The following AGMO variants were observed in gnomAD, a reference collection of about 807,000 sequenced individuals.
The protein encoded by AGMO is alkylglycerol monooxygenase.
In AGMO, 75 loss-of-function variants were observed where a neutral mutation model predicts 60.2. The observed-to-expected ratio is 1.25, with a 90% CI of 1.03 to 1.51. The LOEUF is 1.51. Ranked by LOEUF, AGMO falls within the 40% of genes most tolerant of loss-of-function variation. The pLI is 0.00. For synonymous variants in AGMO, 261 were observed against 177.1 expected, an observed-to-expected ratio of 1.47 and a Z score of -3.76; for missense variants, 763 against 525.5, an observed-to-expected ratio of 1.45 and a Z score of -4.42.
At chr7:15,513,010 T>C (rs568071936) in intron 3 of AGMO, among the ~76,000 whole-genome samples, 89 of 152,340 alleles carry the variant, frequency 5.8e-4, no homozygotes, top group Non-Finnish European at 2.2e-4. Flanking sequence ...TTAAAATTGT[T>C]TTTGTAATCT....
chr7:15,432,021 T>C (rs975288679), intron 3 of AGMO, among the ~76,000 whole-genome samples: 10 of 151,784 alleles, frequency 6.6e-5, no homozygotes, highest in African/African-American at 2.4e-4. Flanking sequence ...AAATGTCACA[T>C]TATACTCTAT....
At chr7:15,156,885 T>C in the AGMO span, among the ~76,000 whole-genome samples, 7 of 152,310 alleles carry the variant, frequency 4.6e-5, no homozygotes, top group South Asian at 1.2e-3. Flanking sequence ...AAATATTTTC[T>C]TTCAGCACAT....
At chr7:15,404,487 A>G (rs939915177) in intron 5 of AGMO, among the ~76,000 whole-genome samples, 1 of 151,910 alleles carries the variant, frequency 6.6e-6, no homozygotes, top group African/African-American at 2.4e-5. Context: ...GAGTAGATTT[A>G]CAGAAGAAAA....
At chr7:15,267,008 G>T (rs1180612398) in intron 12 of AGMO, among the ~76,000 whole-genome samples, 2 of 151,922 alleles carry the variant, frequency 1.3e-5, no homozygotes, top group Non-Finnish European at 2.9e-5. Context: ...TGGCCACTTA[G>T]TGGAAGAGAG....
chr7:15,433,793 AT>A (rs1201067844), intron 3 of AGMO, among the ~76,000 whole-genome samples: 1 of 151,540 alleles, frequency 6.6e-6, no homozygotes, highest in Non-Finnish European at 1.5e-5. Context: ...TGTTATTATA[AT>A]TTTTCCATGA....
chr7:15,366,196 C>G lies in AGMO; in HGVS notation c.1101G>C (p.Leu367=). Residue 367 remains leucine (L), a synonymous_variant, in exon 11 of 13, where the codon CTG becomes CTC. Transcript: ENST00000342526. ...AGGTCAGGATAATGAAGCAAACCCTCAGAAGGAGAGTAACTTGCGACAGTG... is the reference window on the plus strand; with the variant it reads ...AGGTCAGGATAATGAAGCAAACCCTGAGAAGGAGAGTAACTTGCGACAGTG... ...TAALSQVTLL[L]RVCFIILTLT... 1.2e-6 allele frequency: 2 copies of G among 1,608,258 alleles called. No homozygotes were observed. Among genetic ancestry groups the G allele is most frequent in the Non-Finnish European group, 1.7e-6 (2 of 1,176,760 alleles).
At chr7:15,402,974 C>G (rs1041041467) in intron 5 of AGMO, among the ~76,000 whole-genome samples, 5 of 151,604 alleles carry the variant, frequency 3.3e-5, no homozygotes, top group Admixed American at 1.3e-4. Flanking sequence ...AATTTACACT[C>G]CAATGGACCC....
intron 3 of AGMO, among the ~76,000 whole-genome samples, chr7:15,465,263 C>T (rs113690243): frequency 0.017 from 2,567 of 149,328 alleles, 41 homozygotes; most frequent in Middle Eastern, 0.041. Context: ...CAGCACTGCT[C>T]CCCAGAAACA....
At chr7:15,552,379 A>G (rs1448404312) in intron 2 of AGMO, among the ~76,000 whole-genome samples, 1 of 152,226 alleles carries the variant, frequency 6.6e-6, no homozygotes, top group East Asian at 1.9e-4. Context: ...TAGAGTGAAC[A>G]GGCAACCTAC....
intron 3 of AGMO, among the ~76,000 whole-genome samples, chr7:15,453,956 T>C (rs2128506375): frequency 6.7e-6 from 1 of 148,416 alleles, no homozygotes; most frequent in African/African-American, 2.4e-5. Context: ...TTATGTAATA[T>C]ATAAACATGT....
chr7:15,163,411 G>T, the AGMO span, among the ~76,000 whole-genome samples: 2 of 152,010 alleles, frequency 1.3e-5, no homozygotes, highest in Non-Finnish European at 2.9e-5. Context: ...TTCTTAGGGG[G>T]AATACTTCCA....
intron 3 of AGMO, among the ~76,000 whole-genome samples, chr7:15,527,528 A>G (rs1250645660): frequency 6.6e-6 from 1 of 152,202 alleles, no homozygotes; most frequent in Admixed American, 6.5e-5. Flanking sequence ...CCATCTTCAT[A>G]AAATAAAAGC....
intron 3 of AGMO, among the ~76,000 whole-genome samples, chr7:15,507,790 CA>C (rs1237697130): frequency 5.9e-5 from 9 of 151,844 alleles, no homozygotes; most frequent in African/African-American, 2.2e-4. Context: ...TAAAAAGGAA[CA>C]AAAAAGCATA....
intron 12 of AGMO, 37 bp downstream of exon 12, chr7:15,365,477 A>G (rs761513978): frequency 7.2e-7 from 1 of 1,397,658 alleles, no homozygotes; most frequent in Non-Finnish European, 1.0e-6. Context: ...TGCGATAGGT[A>G]TACGCCATCC....
At chr7:15,394,605 G>C (rs73284431) in intron 5 of AGMO, among the ~76,000 whole-genome samples, 4,294 of 152,262 alleles carry the variant, frequency 0.028, 196 homozygotes, top group African/African-American at 0.098. Context: ...ACTACCCTTA[G>C]ATTTCATGTT....
chr7:15,348,930 C>T (rs1207496037), intron 12 of AGMO, among the ~76,000 whole-genome samples: 4 of 152,086 alleles, frequency 2.6e-5, no homozygotes, highest in African/African-American at 9.7e-5. Flanking sequence ...AATAGAACCT[C>T]AAAGTTCTTC....
intron 12 of AGMO, among the ~76,000 whole-genome samples, chr7:15,268,234 T>C (rs1479321922): frequency 6.6e-6 from 1 of 152,008 alleles, no homozygotes; most frequent in East Asian, 1.9e-4. Context: ...AATCAGGATT[T>C]GGATCCAGAC....
chr7:15,173,100 T>C, the AGMO span, among the ~76,000 whole-genome samples: 8 of 152,204 alleles, frequency 5.3e-5, no homozygotes, highest in Non-Finnish European at 8.8e-5. Context: ...CATAAATCTA[T>C]TGAATACATT....
chr7:15,295,312 T>C (rs985453600), intron 12 of AGMO, among the ~76,000 whole-genome samples: 5 of 152,064 alleles, frequency 3.3e-5, no homozygotes, highest in Admixed American at 3.3e-4. Flanking sequence ...AAAAAATATT[T>C]ATTGAGCACA....
Sources: gnomAD v4.1 joint callset for allele counts (sites outside exome capture counted in the v4.1 genomes callset) on GRCh38, gnomAD v4.1.1 for gene constraint, MANE v1.5 for transcripts, NCBI Gene and HGNC (gene_info 2026-07-23, HGNC 2026-07-21) for gene names.